The following THSD7B variants were observed in gnomAD, a reference collection of about 807,000 sequenced individuals.
THSD7B encodes the protein thrombospondin type 1 domain containing 7B, also known as thrombospondin type-1 domain-containing protein 7B.
THSD7B carries 138 observed loss-of-function variants against 213.6 expected under a neutral mutation model. The ratio of observed to expected loss-of-function variants is 0.65; its 90% confidence interval spans 0.56 to 0.74. The LOEUF (loss-of-function observed/expected upper bound fraction) is 0.74. Among genes scored for constraint, THSD7B ranks in the 30% least tolerant of loss-of-function variants. THSD7B has a pLI of 0.00. For synonymous variants in THSD7B, 742 were observed against 687.0 expected, an observed-to-expected ratio of 1.08 and a Z score of -1.25; for missense variants, 1,931 against 1,991.5, an observed-to-expected ratio of 0.97 and a Z score of 0.58.
At chr2:137,199,818 A>C (rs1356024488) in intron 7 of THSD7B, among the ~76,000 whole-genome samples, 1 of 152,168 alleles carries the variant, frequency 6.6e-6, no homozygotes. Context: ...ATACTTTTGA[A>C]CTTTACTTGA....
intron 1 of THSD7B, among the ~76,000 whole-genome samples, chr2:136,780,735 CTTTTAGTTTCTTTATCCAAA>C (rs1681726566): frequency 6.6e-6 from 1 of 152,100 alleles, no homozygotes; most frequent in African/African-American, 2.4e-5. Flanking sequence ...TTAAACAGAA[CTTTTAGTTTCTTTATCCAAA>C]ATCTGATCTC....
At chr2:136,990,454 T>G (rs1573752943) in intron 2 of THSD7B, among the ~76,000 whole-genome samples, 1 of 151,930 alleles carries the variant, frequency 6.6e-6, no homozygotes. Context: ...GGCAGAGTGA[T>G]GAAGACAGCA....
At position 137,230,982 on chromosome 2, in the gene THSD7B, G is replaced by C. The variant is rs569811891; in HGVS notation, c.1724-62G>C. 2.0e-4 allele frequency: 293 copies of C among 1,498,748 alleles called. 1 individual carries two copies. The highest frequency in any genetic ancestry group is 8.8e-4 in the Admixed American group (50 of 56,732). 92.8% of individuals were successfully genotyped at this position (1,498,748 alleles called of 1,614,324 possible). A position where few individuals can be genotyped will look rare whatever the true frequency, so the allele number is the denominator to read the frequency against. On this transcript the variant is annotated intron_variant, in intron 7 of 27. Coordinates refer to ENST00000409968, the MANE Select transcript of THSD7B (RefSeq NM_001316349.2). ...GGGGGTACTTTAAACTGAAGTAATA[G>C]ATAAAGCAGTGAGGCTTGATTGTGC...
At chr2:136,840,152 G>A (rs1682900952) in intron 1 of THSD7B, among the ~76,000 whole-genome samples, 1 of 152,128 alleles carries the variant, frequency 6.6e-6, no homozygotes, top group African/African-American at 2.4e-5. Context: ...GCTGAGGCGG[G>A]CAGATCACCT....
intron 15 of THSD7B, among the ~76,000 whole-genome samples, chr2:137,555,245 C>T (rs1484713316): frequency 3.3e-5 from 5 of 152,176 alleles, no homozygotes; most frequent in South Asian, 2.1e-4. Flanking sequence ...AGACTGCCTC[C>T]GCAAGTGGGT....
chr2:137,307,829 C>T (rs553523368), intron 12 of THSD7B, among the ~76,000 whole-genome samples: 1 of 152,106 alleles, frequency 6.6e-6, no homozygotes, highest in African/African-American at 2.4e-5. Flanking sequence ...GACTTTAATG[C>T]TTTTGTTAGT....
At chr2:136,908,742 T>A (rs1331747511) in intron 2 of THSD7B, among the ~76,000 whole-genome samples, 1 of 152,172 alleles carries the variant, frequency 6.6e-6, no homozygotes, top group Non-Finnish European at 1.5e-5. Context: ...GTGCCGAGGC[T>A]GAGTGAATTC....
At chr2:137,359,646 G>A (rs1345541183) in intron 12 of THSD7B, among the ~76,000 whole-genome samples, 1 of 152,132 alleles carries the variant, frequency 6.6e-6, no homozygotes, top group African/African-American at 2.4e-5. Context: ...AAAACAGAAT[G>A]ATAGGCTACT....
intron 25 of THSD7B, among the ~76,000 whole-genome samples, chr2:137,661,475 A>C (rs1463016652): frequency 2.6e-5 from 4 of 151,782 alleles, no homozygotes; most frequent in African/African-American, 9.7e-5. Flanking sequence ...GTGCAGAAGT[A>C]AGCCTACAAG....
intron 2 of THSD7B, among the ~76,000 whole-genome samples, chr2:137,042,697 A>G (rs1686904545): frequency 1.3e-5 from 2 of 152,198 alleles, no homozygotes; most frequent in Non-Finnish European, 1.5e-5. Flanking sequence ...TAATCCAGGA[A>G]AGGCAGGGGA....
intron 2 of THSD7B, among the ~76,000 whole-genome samples, chr2:136,882,953 A>C (rs1683649892): frequency 6.6e-6 from 1 of 152,190 alleles, no homozygotes; most frequent in Non-Finnish European, 1.5e-5. Flanking sequence ...AAGATCTGTT[A>C]AATTTAATTT....
chr2:137,571,115 C>A (rs977605317), intron 16 of THSD7B, among the ~76,000 whole-genome samples: 1 of 152,176 alleles, frequency 6.6e-6, no homozygotes, highest in Admixed American at 6.5e-5. Flanking sequence ...AAGTCCCTAT[C>A]AGTCACTAAC....
At chr2:137,425,747 A>T (rs1205937968) in intron 14 of THSD7B, among the ~76,000 whole-genome samples, 3 of 152,176 alleles carry the variant, frequency 2.0e-5, no homozygotes, top group Non-Finnish European at 4.4e-5. Context: ...AATGGTAAAA[A>T]GTTGAAAGCT....
chr2:137,358,303 T>C (rs1386125321), intron 12 of THSD7B, among the ~76,000 whole-genome samples: 1 of 152,182 alleles, frequency 6.6e-6, no homozygotes, highest in African/African-American at 2.4e-5. Context: ...TTCCTCTTTC[T>C]CTTGTTTTAT....
At chr2:136,895,514 C>CTTT (rs71301798) in intron 2 of THSD7B, among the ~76,000 whole-genome samples, 3,878 of 73,854 alleles carry the variant, frequency 0.053, 797 homozygotes, top group Middle Eastern at 0.19. Context: ...CAAGTGGAGA[C>CTTT]TTTTTTTTTT....
intron 7 of THSD7B, among the ~76,000 whole-genome samples, chr2:137,205,906 CAG>C (rs67654395): frequency 0.59 from 89,998 of 151,524 alleles, 27,079 homozygotes; most frequent in South Asian, 0.71. Context: ...AGAATAATGT[CAG>C]TGGTAGATTG....
chr2:137,193,415 T>G (rs1005949324), intron 7 of THSD7B, among the ~76,000 whole-genome samples: 4 of 152,216 alleles, frequency 2.6e-5, no homozygotes, highest in African/African-American at 9.7e-5. Flanking sequence ...CCTCAAATAC[T>G]TAACATTACT....
intron 12 of THSD7B, among the ~76,000 whole-genome samples, chr2:137,380,880 C>A (rs1370645701): frequency 6.6e-6 from 1 of 152,216 alleles, no homozygotes; most frequent in Non-Finnish European, 1.5e-5. Flanking sequence ...GGCTTAGAGC[C>A]ACTATTGTCT....
intron 2 of THSD7B, among the ~76,000 whole-genome samples, chr2:136,886,780 G>A (rs1344445516): frequency 6.6e-6 from 1 of 152,122 alleles, no homozygotes; most frequent in Admixed American, 6.5e-5. Flanking sequence ...ATTTAATATG[G>A]GCTGAGAAGG....
Sources: gnomAD v4.1 joint callset for allele counts (sites outside exome capture counted in the v4.1 genomes callset) on GRCh38, gnomAD v4.1.1 for gene constraint, MANE v1.5 for transcripts, NCBI Gene and HGNC (gene_info 2026-07-23, HGNC 2026-07-21) for gene names.